SPAM1: variants seen among roughly 807,000 people sequenced by gnomAD.
SPAM1 encodes sperm adhesion molecule 1.
SPAM1 carries 22 observed loss-of-function variants against 29.6 expected under a neutral mutation model. The observed-to-expected ratio is 0.74, with a 90% CI of 0.53 to 1.06. SPAM1 has a LOEUF of 1.06. Among genes scored for constraint, SPAM1 ranks in the 50% least tolerant of loss-of-function variants. SPAM1 has a pLI of 0.00. For synonymous variants in SPAM1, 194 were observed against 204.6 expected (o/e 0.95, Z 0.44); for missense variants, 534 against 604.0 (o/e 0.88, Z 1.21).
At chr7:123,960,130 A>G, downstream of SPAM1, 3 of 941,880 alleles carry the variant, frequency 3.2e-6, no homozygotes, top group Non-Finnish European at 4.6e-6. Context: ...GAACTTGACA[A>G]ACACTGCTAT....
intron 4 of SPAM1, among the ~76,000 whole-genome samples, chr7:123,956,195 T>A (rs889518927): frequency 1.3e-5 from 2 of 152,012 alleles, no homozygotes; most frequent in African/African-American, 2.4e-5. Flanking sequence ...TCATCTTCAG[T>A]ATTATCCATA....
chr7:123,969,724 G>A (rs868194014), intron 5 of SPAM1, among the ~76,000 whole-genome samples: 4 of 150,240 alleles, frequency 2.7e-5, no homozygotes, highest in African/African-American at 9.7e-5. Flanking sequence ...GTCAGGTAGT[G>A]TGATGCCTCC....
chr7:123,929,895 ATTTTTTT>A (rs71163712), intron 1 of SPAM1, among the ~76,000 whole-genome samples: 2 of 119,812 alleles, frequency 1.7e-5, no homozygotes, highest in East Asian at 4.6e-4. Context: ...GTGTTTAGGG[ATTTTTTT>A]TTTTTTTTTT....
intron 1 of SPAM1, among the ~76,000 whole-genome samples, chr7:123,943,688 G>T (rs984981103): frequency 6.6e-6 from 1 of 152,002 alleles, no homozygotes; most frequent in Non-Finnish European, 1.5e-5. Flanking sequence ...ACCAAAATTA[G>T]AATTTGATTT....
intron 5 of SPAM1, among the ~76,000 whole-genome samples, chr7:123,968,164 C>T (rs1792452209): frequency 6.6e-6 from 1 of 152,040 alleles, no homozygotes. Flanking sequence ...GTTAGAGCTT[C>T]ATGACTGCTG....
chr7:123,953,241 G>A (rs1172690613), intron 2 of SPAM1, 124 bp from the exon 3 acceptor site: 2 of 223,794 alleles, frequency 8.9e-6, no homozygotes, highest in East Asian at 1.0e-4. Flanking sequence ...TCAAACACAG[G>A]AGTAGATCCT....
chr7:123,952,304 T>G (rs929577817), intron 2 of SPAM1, among the ~76,000 whole-genome samples: 9 of 152,130 alleles, frequency 5.9e-5, no homozygotes, highest in Non-Finnish European at 1.3e-4. Flanking sequence ...GTCATTTATT[T>G]TTCAGCAATG....
intron 5 of SPAM1, among the ~76,000 whole-genome samples, chr7:123,968,433 G>A (rs1211813023): frequency 6.6e-6 from 1 of 152,116 alleles, no homozygotes; most frequent in Admixed American, 6.6e-5. Context: ...CCAATCTTCA[G>A]TCTGGTCTGG....
At chr7:123,948,060 T>C (rs561871056) in intron 1 of SPAM1, among the ~76,000 whole-genome samples, 1 of 152,242 alleles carries the variant, frequency 6.6e-6, no homozygotes, top group South Asian at 2.1e-4. Flanking sequence ...GATTAACTTA[T>C]CTTGTTGAAT....
intron 1 of SPAM1, among the ~76,000 whole-genome samples, chr7:123,937,005 A>G (rs530833774): frequency 2.6e-5 from 4 of 152,270 alleles, no homozygotes; most frequent in Non-Finnish European, 4.4e-5. Context: ...GAAGACTTAG[A>G]TTATTGTTAT....
chr7:123,927,840 A>G lies in SPAM1; in HGVS notation c.-319+2488A>G, dbSNP rs564826889. 1.9e-4 allele frequency among the ~76,000 whole-genome samples: 29 copies of G among 152,310 alleles called. No homozygotes were observed. In the South Asian group the frequency reaches 4.1e-3, roughly 22 times the overall value. ...CATAATATCTATGAGGTATGCATCT[A>G]TGTTGATTGTCTTCCTCTAAACATA... On this transcript the variant is annotated intron_variant, in intron 1 of 4. Transcript: ENST00000682466.
At chr7:123,929,863 A>G (rs1018097293) in intron 1 of SPAM1, among the ~76,000 whole-genome samples, 1 of 151,622 alleles carries the variant, frequency 6.6e-6, no homozygotes, top group Non-Finnish European at 1.5e-5. Flanking sequence ...GCAGGGAAAA[A>G]GAATTTAAAG....
intron 2 of SPAM1, 113 bp from the exon 3 acceptor site, chr7:123,953,252 C>T (rs981757100): frequency 4.2e-6 from 1 of 235,560 alleles, no homozygotes; most frequent in African/African-American, 2.3e-5. Flanking sequence ...AGTAGATCCT[C>T]CATCTTCTAA....
intron 1 of SPAM1, among the ~76,000 whole-genome samples, chr7:123,938,055 C>T (rs1171059685): frequency 6.7e-6 from 1 of 149,314 alleles, no homozygotes; most frequent in Non-Finnish European, 1.5e-5. Context: ...TTGCCTAAGA[C>T]TTTAGTTATA....
At chr7:123,930,809 T>C (rs567576534) in intron 1 of SPAM1, among the ~76,000 whole-genome samples, 5 of 152,286 alleles carry the variant, frequency 3.3e-5, no homozygotes, top group South Asian at 2.1e-4. Flanking sequence ...GTAAAAAGCA[T>C]GCAGATTAGA....
intron 4 of SPAM1, among the ~76,000 whole-genome samples, chr7:123,958,570 G>A (rs1276436634): frequency 6.6e-6 from 1 of 152,044 alleles, no homozygotes; most frequent in African/African-American, 2.4e-5. Flanking sequence ...GATCATGCCT[G>A]TAATCCCAAC....
rs751473529 is a variant in SPAM1 at position 123,954,298 on chromosome 7, T to G, written c.728T>G (p.Ile243Arg). ...AATGGAAGTTGCTTCAATGTAGAAA[T>G]AAAAAGAAATGATGATCTCAGCTGG... ...GYNGSCFNVE[I>R]KRNDDLSWLW... is the part of the protein sequence containing the mutation. The change falls in exon 3 of 5, where the codon ATA (isoleucine) becomes AGA (arginine). Residue 243 changes from isoleucine (I) to arginine (R), a missense_variant. By Grantham distance (97) the Ile-to-Arg change is moderately conservative (BLOSUM62 -3). Transcript: ENST00000682466. 1 of 1,612,294 alleles carries G rather than the reference T, an allele frequency of 6.2e-7. No individual in the cohort carries two copies. Among genetic ancestry groups the G allele is most frequent in the South Asian group, 1.1e-5 (1 of 90,748 alleles).
Position 123,953,809 on chromosome 7 carries a change from G to A in SPAM1, c.239G>A (p.Arg80Gln), listed in dbSNP as rs1262667071. Residue 80 changes from arginine to glutamine, a missense_variant, in exon 3 of 5, where the codon CGA becomes CAA. By Grantham distance (43) the Arg-to-Gln change is conservative. Coordinates refer to ENST00000682466, the MANE Select transcript of SPAM1 (RefSeq NM_153189.3). ...MSLFSFIGSPRINATGQGVTI... is the reference protein window; with the variant it reads ...MSLFSFIGSPQINATGQGVTI... ...CTCTTCTCTTTCATAGGAAGCCCCC[G>A]AATAAACGCCACCGGGCAAGGTGTT... The A allele has an allele frequency of 5.0e-6, 8 of 1,612,548 alleles. No individual in the cohort carries two copies. Among genetic ancestry groups the A allele is most frequent in the Non-Finnish European group, 5.9e-6 (7 of 1,179,448 alleles).
At chr7:123,964,333 A>G (rs1275836686), downstream of SPAM1, among the ~76,000 whole-genome samples, 2 of 151,872 alleles carry the variant, frequency 1.3e-5, no homozygotes, top group Non-Finnish European at 2.9e-5. Context: ...ATAAACCTCA[A>G]AGTAGTAGGT....
Sources: allele counts gnomAD v4.1 joint callset (sites outside exome capture counted in the v4.1 genomes callset), GRCh38; gene constraint gnomAD v4.1.1; transcripts MANE v1.5; gene names NCBI Gene and HGNC (gene_info 2026-07-23, HGNC 2026-07-21).